The following DCUN1D4 variants were observed in gnomAD, a reference collection of about 807,000 sequenced individuals.
The protein encoded by DCUN1D4 is DCN1-like protein 4.
Under a neutral mutation model 47.9 loss-of-function variants are expected in DCUN1D4, and 22 were observed. The ratio of observed to expected loss-of-function variants is 0.46; its 90% confidence interval spans 0.33 to 0.66. The LOEUF (loss-of-function observed/expected upper bound fraction) is 0.66. Among genes scored for constraint, DCUN1D4 ranks in the 30% least tolerant of loss-of-function variants. The probability of loss-of-function intolerance (pLI) is 0.02; values close to 1 mark genes in which losing one functional copy is unlikely to be tolerated. For synonymous variants in DCUN1D4, 121 were observed against 112.2 expected (o/e 1.08, Z -0.50); for missense variants, 301 against 340.8 (o/e 0.88, Z 0.92).
In DCUN1D4 at chr4:51,844,460, G is replaced by C. The variant is rs1484742050; in HGVS notation, c.25+1193G>C. 3 of 961,842 alleles carry C rather than the reference G, an allele frequency of 3.1e-6. No homozygotes were observed. In the African/African-American group the frequency reaches 5.3e-5, roughly 17 times the overall value. The allele number at this position is 961,842 out of a possible 1,614,324, so 59.6% of individuals were successfully genotyped here. ...GAGGCGGGGCAGGGGTGCGGGCTGCGGGGTTTCAGCAGCGGGAGCCGGAGG... is the reference window on the plus strand; with the variant it reads ...GAGGCGGGGCAGGGGTGCGGGCTGCCGGGTTTCAGCAGCGGGAGCCGGAGG... On this transcript the variant is annotated intron_variant, in intron 1 of 10. Coordinates refer to ENST00000334635, the MANE Select transcript of DCUN1D4 (RefSeq NM_001040402.3).
intron 6 of DCUN1D4, among the ~76,000 whole-genome samples, chr4:51,888,555 A>G (rs961334599): frequency 2.0e-5 from 3 of 151,784 alleles, no homozygotes; most frequent in South Asian, 4.2e-4. Context: ...AGCCTGGCCA[A>G]TAAGGCGAAA....
intron 4 of DCUN1D4, 144 bp downstream of exon 4, chr4:51,874,529 T>A: frequency 2.1e-6 from 1 of 487,724 alleles, no homozygotes; most frequent in Non-Finnish European, 3.6e-6. Context: ...TGTAATTATT[T>A]AATCATGTTT....
rs898545496 is a variant in DCUN1D4, at chr4:51,916,079, T to C, written c.*2495T>C. 1 of 152,110 alleles carries C rather than the reference T, an allele frequency of 6.6e-6. No individual in the cohort carries two copies. The allele number at this position is 152,110 out of a possible 1,614,324, so 9.4% of individuals were successfully genotyped here. A position where few individuals can be genotyped will look rare whatever the true frequency, so the allele number is the denominator to read the frequency against. On this transcript the variant is annotated 3_prime_UTR_variant, in exon 11 of 11. Coordinates refer to ENST00000334635, the MANE Select transcript of DCUN1D4 (RefSeq NM_001040402.3). ...AAACTGAACAATCATCAAGCACTTA[T>C]TTACTGGCTAATGTTGAATAAATTA...
At chr4:51,849,433 A>G (rs912782629) in intron 1 of DCUN1D4, among the ~76,000 whole-genome samples, 5 of 152,194 alleles carry the variant, frequency 3.3e-5, no homozygotes, top group Non-Finnish European at 5.9e-5. Context: ...TAAATTACCT[A>G]GAATTAGTTT....
intron 1 of DCUN1D4, among the ~76,000 whole-genome samples, chr4:51,851,253 A>G (rs187120654): frequency 4.5e-4 from 69 of 152,274 alleles, no homozygotes; most frequent in African/African-American, 1.6e-3. Flanking sequence ...CAGTGAGTTC[A>G]TTGTGGAGAC....
chr4:51,843,290 G>A, intron 1 of DCUN1D4, 23 bp downstream of exon 1: 1 of 1,516,876 alleles, frequency 6.6e-7, no homozygotes, highest in Non-Finnish European at 8.8e-7. Flanking sequence ...GAGCCAGCCA[G>A]CGGGCCGGGG....
chr4:51,895,655 AG>A (rs1306153812), intron 7 of DCUN1D4, among the ~76,000 whole-genome samples: 1 of 150,376 alleles, frequency 6.6e-6, no homozygotes, highest in Non-Finnish European at 1.5e-5. Flanking sequence ...GTGAAGGGGC[AG>A]GGGCCTTTTC....
intron 1 of DCUN1D4, among the ~76,000 whole-genome samples, chr4:51,848,893 C>G (rs1408050455): frequency 6.6e-6 from 1 of 152,016 alleles, no homozygotes; most frequent in African/African-American, 2.4e-5. Context: ...AGACCCCTGC[C>G]CTCTTCAAAT....
chr4:51,904,231 A>G (rs1732540531), intron 8 of DCUN1D4, among the ~76,000 whole-genome samples: 1 of 152,094 alleles, frequency 6.6e-6, no homozygotes, highest in South Asian at 2.1e-4. Context: ...TACTAAGGCA[A>G]TATTTTTTTT....
upstream of DCUN1D4, chr4:51,843,132 A>C (rs1370856102): frequency 2.7e-6 from 4 of 1,493,516 alleles, no homozygotes; most frequent in African/African-American, 4.3e-5. Context: ...GCGGGCTGGG[A>C]GTGCCCGGCG....
intron 4 of DCUN1D4, chr4:51,875,414 G>C (rs965408524): frequency 6.6e-6 from 1 of 152,296 alleles, no homozygotes; most frequent in South Asian, 2.1e-4. Flanking sequence ...TCTCACCACA[G>C]TCTAATAAAA....
chr4:51,878,756 T>C (rs1728084233), intron 5 of DCUN1D4, among the ~76,000 whole-genome samples: 1 of 152,242 alleles, frequency 6.6e-6, no homozygotes, highest in African/African-American at 2.4e-5. Context: ...TTACATCTTT[T>C]AAACCCTTAA....
In DCUN1D4 at chr4:51,848,143, T is replaced by G. The variant is rs1473654101; in HGVS notation, c.25+4876T>G. ...AACACAAGCTTTCACCTACTCATTC[T>G]TTGCATTTTTTAGACAAAGTCAGTT... is the stretch of plus-strand genomic sequence containing the variant. On this transcript the variant is annotated intron_variant, in intron 1 of 10. Transcript: ENST00000334635. 2.4e-6 allele frequency: 3 copies of G among 1,243,744 alleles called. No individual in the cohort carries two copies. In the African/African-American group the frequency reaches 4.7e-5, roughly 19 times the overall value. 77.0% of individuals were successfully genotyped at this position (1,243,744 alleles called of 1,614,324 possible).
intron 5 of DCUN1D4, among the ~76,000 whole-genome samples, chr4:51,879,424 C>T (rs929486970): frequency 6.6e-6 from 1 of 152,062 alleles, no homozygotes. Context: ...CTGGGCAACA[C>T]GGTGAAACCC....
At chr4:51,859,956 G>A (rs867488731) in intron 1 of DCUN1D4, among the ~76,000 whole-genome samples, 3 of 151,982 alleles carry the variant, frequency 2.0e-5, no homozygotes, top group Non-Finnish European at 2.9e-5. Context: ...ATACGTTCTC[G>A]GTAAAGCATT....
chr4:51,862,147 A>G (rs1188214398), intron 1 of DCUN1D4, among the ~76,000 whole-genome samples: 2 of 152,190 alleles, frequency 1.3e-5, no homozygotes, highest in East Asian at 1.9e-4. Context: ...TCAGCACAAA[A>G]TGCTGGTTTT....
At chr4:51,852,519 C>T (rs919633883) in intron 1 of DCUN1D4, among the ~76,000 whole-genome samples, 3 of 152,032 alleles carry the variant, frequency 2.0e-5, no homozygotes, top group African/African-American at 4.8e-5. Context: ...AAACAGGAAA[C>T]GGGATAGTTG....
intron 4 of DCUN1D4, 130 bp from the exon 5 acceptor site, chr4:51,877,633 A>C (rs1287439115): frequency 1.6e-6 from 1 of 611,782 alleles, no homozygotes; most frequent in African/African-American, 1.9e-5. Context: ...TGCAGGAAAT[A>C]AAACGTTTAA....
In DCUN1D4 at chr4:51,916,800, A is replaced by G. The variant is rs1381957454; in HGVS notation, c.*3216A>G. 6.6e-6 allele frequency: 1 copy of G among 152,592 alleles called. No individual in the cohort carries two copies. The highest frequency in any genetic ancestry group is 1.5e-5 in the Non-Finnish European group (1 of 68,024). 9.5% of individuals were successfully genotyped at this position (152,592 alleles called of 1,614,324 possible). A position where few individuals can be genotyped will look rare whatever the true frequency, so the allele number is the denominator to read the frequency against. On this transcript the variant is annotated 3_prime_UTR_variant, in exon 11 of 11. Transcript: ENST00000334635. ...TTCAATGACATTGATGTAAAATGAT[A>G]TCCCATGAATAAAAAGTATTTGTGT... is the stretch of plus-strand genomic sequence containing the variant.
Sources: allele counts gnomAD v4.1 joint callset (sites outside exome capture counted in the v4.1 genomes callset), GRCh38; gene constraint gnomAD v4.1.1; transcripts MANE v1.5; gene names NCBI Gene and HGNC (gene_info 2026-07-23, HGNC 2026-07-21).